BET1: variants seen among roughly 807,000 people sequenced by gnomAD.
The protein encoded by BET1 is BET1 homolog.
Under a neutral mutation model 13.9 loss-of-function variants are expected in BET1, and 9 were observed. The observed-to-expected ratio is 0.65, with a 90% CI of 0.39 to 1.13. The LOEUF (loss-of-function observed/expected upper bound fraction) is 1.13. Among genes scored for constraint, BET1 ranks in the 50% most tolerant of loss-of-function variants. BET1 has a pLI of 0.01. For missense variants in BET1, 127 were observed against 133.6 expected, an observed-to-expected ratio of 0.95 and a Z score of 0.24; for synonymous variants, 39 against 47.3, an observed-to-expected ratio of 0.82 and a Z score of 0.72.
downstream of BET1, chr7:93,992,872 C>T: frequency 1.0e-6 from 1 of 983,550 alleles, no homozygotes; most frequent in Non-Finnish European, 1.2e-6. Flanking sequence ...TAACTCAAAC[C>T]AGTGCCTCTC....
chr7:93,977,745 G>A (rs1795363898), intron 4 of BET1, among the ~76,000 whole-genome samples: 1 of 152,054 alleles, frequency 6.6e-6, no homozygotes, highest in Admixed American at 6.6e-5. Context: ...AAATAAAACT[G>A]AATTCTGCAT....
At chr7:94,003,181 T>C (rs1404955884) in intron 1 of BET1, among the ~76,000 whole-genome samples, 4 of 152,086 alleles carry the variant, frequency 2.6e-5, no homozygotes, top group Admixed American at 1.3e-4. Flanking sequence ...ATTATTTCTT[T>C]TTTTTTTCTC....
intron 4 of BET1, among the ~76,000 whole-genome samples, chr7:93,984,406 G>A (rs1481948408): frequency 6.6e-6 from 1 of 152,112 alleles, no homozygotes; most frequent in African/African-American, 2.4e-5. Context: ...GTACATTTGA[G>A]AAGAGTTGGT....
chr7:93,996,335 G>A lies in BET1; in HGVS notation c.145-14C>T, dbSNP rs1193680912. The A allele has an allele frequency of 2.0e-6, 3 of 1,528,072 alleles. No individual in the cohort carries two copies. The highest frequency in any genetic ancestry group is 1.4e-5 in the African/African-American group (1 of 70,882). The allele number at this position is 1,528,072 out of a possible 1,614,324, so 94.7% of individuals were successfully genotyped here. A position where few individuals can be genotyped will look rare whatever the true frequency, so the allele number is the denominator to read the frequency against. On this transcript the variant is annotated splice_polypyrimidine_tract_variant and intron_variant, in intron 2 of 3. Transcript: ENST00000222547. ...TTCAATGGAAAGCTATAAAGAAGAA[G>A]GTATACACAGGATTACTCACATAAA... is the stretch of plus-strand genomic sequence containing the variant.
chr7:93,984,652 A>G (rs1433190613), intron 4 of BET1, among the ~76,000 whole-genome samples: 1 of 152,168 alleles, frequency 6.6e-6, no homozygotes, highest in African/African-American at 2.4e-5. Context: ...GTGCTTCAGT[A>G]TGCCTACTTG....
chr7:93,976,756 G>T (rs1372614494), intron 4 of BET1, among the ~76,000 whole-genome samples: 3 of 151,990 alleles, frequency 2.0e-5, no homozygotes, highest in Non-Finnish European at 2.9e-5. Context: ...GGTGATTTCT[G>T]AGATTTTGGT....
At chr7:93,985,277 A>T (rs1236767768) in intron 4 of BET1, among the ~76,000 whole-genome samples, 5 of 152,224 alleles carry the variant, frequency 3.3e-5, no homozygotes, top group African/African-American at 1.2e-4. Flanking sequence ...GTGATTAAGA[A>T]TGCAGGCTTT....
chr7:93,987,519 T>A (rs918413591), intron 4 of BET1, among the ~76,000 whole-genome samples: 1 of 152,104 alleles, frequency 6.6e-6, no homozygotes, highest in African/African-American at 2.4e-5. Flanking sequence ...GGTCATAGAT[T>A]ATCCCCTCTG....
At chr7:93,979,530 TG>T (rs1365318293) in intron 4 of BET1, among the ~76,000 whole-genome samples, 1 of 152,036 alleles carries the variant, frequency 6.6e-6, no homozygotes, top group Non-Finnish European at 1.5e-5. Flanking sequence ...CTTCTCCCCA[TG>T]ACACATCAGC....
chr7:93,965,021 T>C (rs976611674), exon 7 of BET1: 2 of 152,090 alleles, frequency 1.3e-5, no homozygotes, highest in African/African-American at 4.8e-5. Flanking sequence ...GAATGAGCTT[T>C]TTAAAGAGTT....
intron 1 of BET1, chr7:93,999,670 C>T (rs117154677): frequency 2.2e-6 from 1 of 456,888 alleles, no homozygotes; most frequent in East Asian, 6.9e-5. Context: ...ATTGAAAAAG[C>T]GTGGCTGTGA....
intron 6 of BET1, among the ~76,000 whole-genome samples, chr7:93,967,903 C>T (rs1795200240): frequency 6.6e-6 from 1 of 151,752 alleles, no homozygotes; most frequent in African/African-American, 2.4e-5. Context: ...ATAAAGGAAA[C>T]AACCAAATTT....
At chr7:93,963,279 G>T (rs1358830530) in exon 7 of BET1, 1 of 152,042 alleles carries the variant, frequency 6.6e-6, no homozygotes, top group East Asian at 1.9e-4. Flanking sequence ...AGAACCATGA[G>T]CTGGTTAAAC....
chr7:93,987,121 T>G (rs1414543579), intron 4 of BET1: 1 of 152,070 alleles, frequency 6.6e-6, no homozygotes, highest in Non-Finnish European at 1.5e-5. Context: ...TTGTTTTTGT[T>G]TTTTGTTTTT....
chr7:93,999,922 G>C (rs1330264545), intron 1 of BET1, among the ~76,000 whole-genome samples: 2 of 152,236 alleles, frequency 1.3e-5, no homozygotes, highest in East Asian at 3.9e-4. Flanking sequence ...CAGATCCACT[G>C]TTCTTTCTAG....
intron 6 of BET1, chr7:93,968,388 A>G (rs1795208275): frequency 6.6e-6 from 1 of 151,872 alleles, no homozygotes; most frequent in Non-Finnish European, 1.5e-5. Flanking sequence ...GCAGGGAAGT[A>G]GGAACTTAAT....
chr7:93,972,511 G>A (rs1795272860), intron 6 of BET1: 1 of 151,708 alleles, frequency 6.6e-6, no homozygotes, highest in Admixed American at 6.6e-5. Context: ...ATTGATGGAA[G>A]GTTGATTCAA....
At position 93,999,260 on chromosome 7, in the gene BET1, A is replaced by G. The variant is rs2116137085; in HGVS notation, c.54T>C (p.Tyr18=). 2 of 1,612,758 alleles carry G rather than the reference A, an allele frequency of 1.2e-6. No homozygotes were observed. The highest frequency in any genetic ancestry group is 1.1e-5 in the South Asian group (1 of 90,750). ...CACTATACCCACTATTAGCATAGCC[A>G]TAGTTCCCATAGTTGCCAGGAGGTA... ...EGVPPGNYGN[Y]GYANSGYSAC... The change falls in exon 2 of 4, where the codon TAT becomes TAC. Residue 18 remains tyrosine (Y), a synonymous_variant. Transcript: ENST00000222547.
intron 3 of BET1, 64 bp from the exon 4 acceptor site, chr7:93,994,449 C>A: frequency 6.9e-7 from 1 of 1,456,662 alleles, no homozygotes; most frequent in South Asian, 1.3e-5. Flanking sequence ...TATGCATATC[C>A]AAGTAATTGA....
Sources: allele counts gnomAD v4.1 joint callset (sites outside exome capture counted in the v4.1 genomes callset), GRCh38; gene constraint gnomAD v4.1.1; transcripts MANE v1.5; gene names NCBI Gene and HGNC (gene_info 2026-07-23, HGNC 2026-07-21).